KCNH4: variants seen among roughly 807,000 people sequenced by gnomAD.
KCNH4 encodes voltage-gated delayed rectifier potassium channel KCNH4.
In KCNH4, 33 loss-of-function variants were observed where a neutral mutation model predicts 90.7. The ratio of observed to expected loss-of-function variants is 0.36; its 90% CI spans 0.28 to 0.49. KCNH4 has a LOEUF of 0.49. Among genes scored for constraint, KCNH4 ranks in the 20% least tolerant of loss-of-function variants. The probability of loss-of-function intolerance (pLI) is 0.98; values close to 1 mark genes in which losing one functional copy is unlikely to be tolerated. For missense variants in KCNH4, 1,044 were observed against 1,387.1 expected (o/e 0.75, Z 3.93); for synonymous variants, 551 against 581.7 (o/e 0.95, Z 0.76).
rs2079763486 is a variant in KCNH4, at chr17:42,163,538, A to T, written c.2477+68T>A. Reference sequence around the variant, plus strand: ...TGTAGCACTGTTTGGAACGCCAGGGATAGAGCCCAGAGAAGGTTCTGGAAG... The same window carrying T: ...TGTAGCACTGTTTGGAACGCCAGGGTTAGAGCCCAGAGAAGGTTCTGGAAG... On this transcript the variant is annotated intron_variant, in intron 13 of 16. Transcript: ENST00000264661. The surrounding 1 kb of genome is among the most constrained non-coding windows in gnomAD (Gnocchi z 5.4). The T allele has an allele frequency of 1.2e-6, 1 of 817,878 alleles. No homozygotes were observed. The highest frequency in any genetic ancestry group is 1.7e-5 in the South Asian group (1 of 58,122). 50.7% of individuals were successfully genotyped at this position (817,878 alleles called of 1,614,324 possible).
chr17:42,171,881 C>A lies in KCNH4; in HGVS notation c.1102G>T (p.Val368Phe). Residue 368 changes from valine to phenylalanine, a missense_variant, in exon 7 of 17, where the codon GTC (valine) becomes TTC (phenylalanine). By Grantham distance (50) the Val-to-Phe change is conservative. Coordinates refer to ENST00000264661, the MANE Select transcript of KCNH4 (RefSeq NM_012285.3). The stretch of plus-strand genomic sequence containing the variant: ...ATCCAGTGGGCAAGGAGCGCAAAGA[C>A]CGACATGAGCAGCGTGAGCACCACA... ...SAVVLTLLMSVFALLAHWMAC... is the reference protein window; with the variant it reads ...SAVVLTLLMSFFALLAHWMAC... 1 of 1,614,172 alleles carries A rather than the reference C, an allele frequency of 6.2e-7. No homozygotes were observed. Among genetic ancestry groups the A allele is most frequent in the African/African-American group, 1.3e-5 (1 of 75,030 alleles).
In KCNH4 at chr17:42,163,622, G is replaced by C. The variant is rs1343696247; in HGVS notation, c.2461C>G (p.Pro821Ala). 1 of 1,482,974 alleles carries C rather than the reference G, an allele frequency of 6.7e-7. No homozygotes were observed. 91.9% of individuals were successfully genotyped at this position (1,482,974 alleles called of 1,614,324 possible). A position where few individuals can be genotyped will look rare whatever the true frequency, so the allele number is the denominator to read the frequency against. The change falls in exon 13 of 17, where the codon CCG (proline) becomes GCG (alanine). Residue 821 changes from proline (P) to alanine (A), a missense_variant. By Grantham distance (27) the Pro-to-Ala change is conservative. Around this residue, in one of 4 missense-constraint regions of KCNH4, gnomAD observed 441 missense variants for 512.3 expected, o/e 0.86. Coordinates refer to ENST00000264661, the MANE Select transcript of KCNH4 (RefSeq NM_012285.3). This position sits in a 1 kb window ranked among gnomAD's most constrained non-coding sequence, Gnocchi z 5.4. ...GCGTCTCACCGGGGACTGAGGTCCG[G>C]AGGTCCAAAGGTTCCCAGTGGGGGA... is the stretch of plus-strand genomic sequence containing the variant. Reference protein sequence around the residue: ...LIPPLGTFGPPDLSPRIVDGI... With the variant: ...LIPPLGTFGPADLSPRIVDGI...
chr17:42,170,244 C>T lies in KCNH4; in HGVS notation c.1253G>A (p.Gly418Asp), dbSNP rs377554155. 1.9e-5 allele frequency: 31 copies of T among 1,608,056 alleles called. No individual in the cohort carries two copies. The highest frequency in any genetic ancestry group is 2.7e-5 in the African/African-American group (2 of 74,792). Residue 418 changes from glycine (G) to aspartate (D), a missense_variant, in exon 8 of 17, where the codon GGC becomes GAC. Physicochemically the swap from Gly to Asp is moderately conservative, Grantham distance 94. Coordinates refer to ENST00000264661, the MANE Select transcript of KCNH4 (RefSeq NM_012285.3). Reference protein sequence around the residue: ...LEVPYVNGSVGGPSRRSAYIA... With the variant: ...LEVPYVNGSVDGPSRRSAYIA... The stretch of plus-strand genomic sequence containing the variant: ...GTAGGCGCTGCGCCGTGATGGGCCG[C>T]CCACCGAGCCATTGACATAGGGCAC...
rs2079789146 is a variant in KCNH4, at chr17:42,166,473, G to A, written c.1664C>T (p.Pro555Leu). 1 of 1,614,018 alleles carries A rather than the reference G, an allele frequency of 6.2e-7. No individual in the cohort carries two copies. The highest frequency in any genetic ancestry group is 8.5e-7 in the Non-Finnish European group (1 of 1,179,968). The part of the protein sequence containing the change: ...MHLNREILQL[P>L]LFGAASRGCL... ...GCCCCTGCTCGCTGCCCCGAACAAC[G>A]GCAGCTGCAGGATCTCCCGATTCAG... The change falls in exon 10 of 17, where the codon CCG becomes CTG. Residue 555 changes from proline (P) to leucine (L), a missense_variant. Physicochemically the swap from Pro to Leu is moderately conservative, Grantham distance 98. Transcript: ENST00000264661.
chr17:42,178,419 G>A lies in KCNH4; in HGVS notation c.369C>T (p.Val123=), dbSNP rs1392042959. Residue 123 remains valine (V), a synonymous_variant, in exon 3 of 17, where the codon GTC becomes GTT. Transcript: ENST00000264661. ...CCTTGAAGGAAAAGAGGAACAGCAC[G>A]ACCTCCCCCATCTCATTCTTGATGG... ...MMPIKNEMGE[V]VLFLFSFKDI... 25 of 1,614,056 alleles carry A rather than the reference G, an allele frequency of 1.5e-5. No individual in the cohort carries two copies. Among genetic ancestry groups the A allele is most frequent in the Middle Eastern group, 1.6e-4 (1 of 6,084 alleles).
At chr17:42,175,467 G>T in intron 6 of KCNH4, 112 bp downstream of exon 6, 2 of 1,210,338 alleles carry the variant, frequency 1.7e-6, no homozygotes, top group Non-Finnish European at 2.4e-6. Context: ...ATAAATATCT[G>T]CAGATGGATT....
At chr17:42,158,856 ATT>A (rs1240646600) in intron 16 of KCNH4, among the ~76,000 whole-genome samples, 21 of 149,908 alleles carry the variant, frequency 1.4e-4, no homozygotes, top group African/African-American at 3.9e-4. Context: ...ATATATATAT[ATT>A]TTTTTTATAG....
In KCNH4 at chr17:42,169,332, A is replaced by G. The variant is rs999665833; in HGVS notation, c.1590+145T>C. The G allele has an allele frequency of 8.9e-5, 65 of 733,812 alleles. No homozygotes were observed. The African/African-American group carries it at 1.0e-3, about 12-fold the overall frequency. 45.5% of individuals were successfully genotyped at this position (733,812 alleles called of 1,614,324 possible). A position where few individuals can be genotyped will look rare whatever the true frequency, so the allele number is the denominator to read the frequency against. On this transcript the variant is annotated intron_variant, in intron 9 of 16. Transcript: ENST00000264661. ...TGACCTCAAGTGACCTGCCCGCCTCAGCCTCCCAAAGTGCTGGGATTACAG... is the reference window on the plus strand; with the variant it reads ...TGACCTCAAGTGACCTGCCCGCCTCGGCCTCCCAAAGTGCTGGGATTACAG...
At position 42,163,429 on chromosome 17, in the gene KCNH4, G is replaced by T; in HGVS notation, c.2478-95C>A. Reference sequence around the variant, plus strand: ...GGACTGGGGGCAGCAGTGCCAGGGGGCGGAGCAAGAGCAGCAGTCAAAGTG... The same window carrying T: ...GGACTGGGGGCAGCAGTGCCAGGGGTCGGAGCAAGAGCAGCAGTCAAAGTG... On this transcript the variant is annotated intron_variant, in intron 13 of 16. Transcript: ENST00000264661. The surrounding 1 kb of genome is among the most constrained non-coding windows in gnomAD (Gnocchi z 5.4). The T allele has an allele frequency of 1.1e-6, 1 of 941,458 alleles. No homozygotes were observed. Among genetic ancestry groups the T allele is most frequent in the South Asian group, 1.4e-5 (1 of 69,406 alleles). The allele number at this position is 941,458 out of a possible 1,614,324, so 58.3% of individuals were successfully genotyped here. A position where few individuals can be genotyped will look rare whatever the true frequency, so the allele number is the denominator to read the frequency against.
chr17:42,157,490 G>A (rs1373854764), intron 16 of KCNH4, among the ~76,000 whole-genome samples: 1 of 152,192 alleles, frequency 6.6e-6, no homozygotes, highest in Non-Finnish European at 1.5e-5. Flanking sequence ...CGTGGTGACT[G>A]CGAAGTAGAG....
At position 42,158,707 on chromosome 17, in the gene KCNH4, C is replaced by T. The variant is rs546989457; in HGVS notation, c.*309+1024G>A. On this transcript the variant is annotated intron_variant, in intron 16 of 16. Coordinates refer to ENST00000264661, the MANE Select transcript of KCNH4 (RefSeq NM_012285.3). Reference sequence around the variant, plus strand: ...AAAATTAGCCGGGTGTGGTGGCGGGCGCCTGTAGTCCCAGCTACTTGGGAG... The same window carrying T: ...AAAATTAGCCGGGTGTGGTGGCGGGTGCCTGTAGTCCCAGCTACTTGGGAG... Among the ~76,000 whole-genome samples, 513 of 149,828 alleles carry T rather than the reference C, an allele frequency of 3.4e-3. 3 individuals are homozygous for T. The highest frequency in any genetic ancestry group is 0.012 in the African/African-American group (488 of 40,844).
rs778828449 is a variant in KCNH4 at position 42,160,335 on chromosome 17, C to T, written c.2759G>A (p.Gly920Asp). The T allele has an allele frequency of 6.2e-7, 1 of 1,614,128 alleles. No individual in the cohort carries two copies. Among genetic ancestry groups the T allele is most frequent in the East Asian group, 2.2e-5 (1 of 44,862 alleles). ...ARLGPPGHPA[G>D]SAWTPDPPCP... Reference sequence around the variant, plus strand: ...AGGAGGGTCTGGGGTCCAAGCGGAGCCTGCTGGGTGGCCTGGGGGACCCAG... The same window carrying T: ...AGGAGGGTCTGGGGTCCAAGCGGAGTCTGCTGGGTGGCCTGGGGGACCCAG... The change falls in exon 16 of 17, where the codon GGC becomes GAC. Residue 920 changes from glycine to aspartate, a missense_variant. By Grantham distance (94) the Gly-to-Asp change is moderately conservative. Transcript: ENST00000264661.
At chr17:42,177,524 G>C (rs2144142135) in intron 4 of KCNH4, among the ~76,000 whole-genome samples, 1 of 152,344 alleles carries the variant, frequency 6.6e-6, no homozygotes, top group Middle Eastern at 3.4e-3. Context: ...TTGAGAAGAA[G>C]ACTATGACAA....
intron 7 of KCNH4, among the ~76,000 whole-genome samples, chr17:42,170,722 C>G (rs1330405726): frequency 1.3e-5 from 2 of 152,188 alleles, no homozygotes; most frequent in Non-Finnish European, 2.9e-5. Flanking sequence ...TTAGGGAAAG[C>G]CAACCCATTG....
At chr17:42,164,003 A>T in intron 12 of KCNH4, 45 bp from the exon 13 acceptor site, 1 of 1,499,656 alleles carries the variant, frequency 6.7e-7, no homozygotes, top group Non-Finnish European at 9.0e-7. Context: ...AGTGAACAAC[A>T]GACCCCTTCA....
intron 16 of KCNH4, among the ~76,000 whole-genome samples, chr17:42,158,228 T>C (rs889747774): frequency 1.3e-5 from 2 of 148,338 alleles, no homozygotes; most frequent in African/African-American, 4.9e-5. Context: ...ATGCCCAGCC[T>C]ACACCTGGCT....
chr17:42,178,945 G>A lies in KCNH4; in HGVS notation c.158C>T (p.Thr53Ile), dbSNP rs778241547. The change falls in exon 2 of 17, where the codon ACA becomes ATA. Residue 53 changes from threonine to isoleucine, a missense_variant. Physicochemically the swap from Thr to Ile is moderately conservative, Grantham distance 89. Around this residue, in one of 4 missense-constraint regions of KCNH4, gnomAD observed 283 missense variants for 378.6 expected, o/e 0.75. Transcript: ENST00000264661. The stretch of plus-strand genomic sequence containing the variant: ...CATGACCTCGGTGCGACCGTAGCCT[G>A]TGAGCTCGCAGAAGCCGTCGGAGCA... ...VYCSDGFCEL[T>I]GYGRTEVMQK... is the part of the protein sequence containing the mutation. The A allele has an allele frequency of 6.2e-7, 1 of 1,614,226 alleles. No homozygotes were observed. The highest frequency in any genetic ancestry group is 8.5e-7 in the Non-Finnish European group (1 of 1,180,040).
Position 42,176,304 on chromosome 17 carries a change from G to A in KCNH4, c.586-7C>T. Reference sequence around the variant, plus strand: ...GCTTTGGCTCAAACACGTTCTAAGGGGAGAGGGGTGGCGGTTGGGGACACT... The same window carrying A: ...GCTTTGGCTCAAACACGTTCTAAGGAGAGAGGGGTGGCGGTTGGGGACACT... On this transcript the variant is annotated splice_region_variant and splice_polypyrimidine_tract_variant and intron_variant, in intron 4 of 16. Coordinates refer to ENST00000264661, the MANE Select transcript of KCNH4 (RefSeq NM_012285.3). 1 of 1,609,346 alleles carries A rather than the reference G, an allele frequency of 6.2e-7. No individual in the cohort carries two copies. Among genetic ancestry groups the A allele is most frequent in the Non-Finnish European group, 8.5e-7 (1 of 1,177,216 alleles).
rs377611828 is a variant in KCNH4, at chr17:42,165,966, G to A, written c.1841-273C>T. Among the ~76,000 whole-genome samples the A allele has an allele frequency of 1.7e-3, 261 of 152,218 alleles. 2 individuals are homozygous for A. Among genetic ancestry groups the A allele is most frequent in the Middle Eastern group, 6.8e-3 (2 of 294 alleles). On this transcript the variant is annotated intron_variant, in intron 10 of 16. Coordinates refer to ENST00000264661, the MANE Select transcript of KCNH4 (RefSeq NM_012285.3). ...AAAATCACAATGGCCGGAGGGGTCA[G>A]GTCAGTTAGAGGGTAAAAGTGAATG...
Sources: allele counts gnomAD v4.1 joint callset (sites outside exome capture counted in the v4.1 genomes callset), GRCh38; gene constraint gnomAD v4.1.1; regional missense constraint gnomAD v4.1.1; non-coding constraint Gnocchi (gnomAD v3.1); transcripts MANE v1.5; gene names NCBI Gene and HGNC (gene_info 2026-07-23, HGNC 2026-07-21).